STIM1: variants seen among roughly 807,000 people sequenced by gnomAD.
STIM1 encodes the protein stromal interaction molecule 1.
A neutral mutation model predicts 74.7 loss-of-function variants in STIM1; 25 were observed. The ratio of observed to expected loss-of-function variants is 0.33; its 90% confidence interval spans 0.24 to 0.47. STIM1 has a LOEUF of 0.47. Among genes scored for constraint, STIM1 ranks in the 20% least tolerant of loss-of-function variants. The pLI, the probability that STIM1 is intolerant of heterozygous loss-of-function variation, is 1.00. For missense variants in STIM1, 728 were observed against 920.8 expected, an observed-to-expected ratio of 0.79 and a Z score of 2.71; for synonymous variants, 328 against 348.8, an observed-to-expected ratio of 0.94 and a Z score of 0.66.
chr11:3,872,154 G>T (rs918056484), intron 1 of STIM1, among the ~76,000 whole-genome samples: 1 of 152,036 alleles, frequency 6.6e-6, no homozygotes, highest in Non-Finnish European at 1.5e-5. Flanking sequence ...CTGGGTTCAA[G>T]CGATTCCTGT....
chr11:4,015,400 TG>T (rs1408726619), intron 2 of STIM1, among the ~76,000 whole-genome samples: 1 of 152,088 alleles, frequency 6.6e-6, no homozygotes, highest in African/African-American at 2.4e-5. Flanking sequence ...GTAGGGTTTC[TG>T]CCAAGAGATC....
chr11:4,024,095 AAATT>A, intron 3 of STIM1, 108 bp downstream of exon 3: 1 of 822,472 alleles, frequency 1.2e-6, no homozygotes, highest in Non-Finnish European at 2.0e-6. Context: ...AGTAAAGGGC[AAATT>A]ATTGAAGTTA....
At chr11:4,001,541 G>A (rs1565143721) in intron 2 of STIM1, among the ~76,000 whole-genome samples, 1 of 152,220 alleles carries the variant, frequency 6.6e-6, no homozygotes, top group Non-Finnish European at 1.5e-5. Context: ...AATGCTGAGA[G>A]ATTTTGTCAC....
rs138592629 is a variant in STIM1, at chr11:4,055,910, C to T, written c.497+273C>T. On this transcript the variant is annotated intron_variant, in intron 4 of 12. Transcript: ENST00000526596. Reference sequence around the variant, plus strand: ...CTTAGTACATGCCAGGCATTCTACTCAACACTGTATACAGTATCTCATTTA... The same window carrying T: ...CTTAGTACATGCCAGGCATTCTACTTAACACTGTATACAGTATCTCATTTA... Among the ~76,000 whole-genome samples the T allele has an allele frequency of 8.5e-5, 13 of 152,292 alleles. No individual in the cohort carries two copies. The South Asian group carries it at 1.9e-3, about 22-fold the overall frequency.
rs544815516 is a variant in STIM1, at chr11:3,896,204, G to C, written c.139+39795G>C. Among the ~76,000 whole-genome samples, 1,171 of 129,356 alleles carry C rather than the reference G, an allele frequency of 9.1e-3. 8 individuals are homozygous for C. The highest frequency in any genetic ancestry group is 0.015 in the Non-Finnish European group (948 of 64,062). 84.9% of individuals were successfully genotyped at this position (129,356 alleles called of 152,430 possible). On this transcript the variant is annotated intron_variant, in intron 1 of 12. Transcript: ENST00000526596. ...CAGGCGTGAGCCACTGCACCTGGCC[G>C]GAATAGTGCTCTCTCTCTACCATTA... is the stretch of plus-strand genomic sequence containing the variant.
chr11:3,947,871 T>TAA (rs2093098269), intron 1 of STIM1: 2 of 152,320 alleles, frequency 1.3e-5, no homozygotes, highest in Admixed American at 1.3e-4. Flanking sequence ...TTGAGGATAA[T>TAA]AAAAGTACTG....
intron 1 of STIM1, among the ~76,000 whole-genome samples, chr11:3,956,989 G>A (rs1361082118): frequency 6.6e-6 from 1 of 152,102 alleles, no homozygotes; most frequent in Non-Finnish European, 1.5e-5. Flanking sequence ...GCAAAAAAGC[G>A]ACTGCTCTCG....
intron 1 of STIM1, among the ~76,000 whole-genome samples, chr11:3,880,151 A>G (rs2091448196): frequency 6.6e-6 from 1 of 152,238 alleles, no homozygotes; most frequent in Admixed American, 6.5e-5. Context: ...TTAGTAAATC[A>G]TTAATCTCTC....
At chr11:3,970,157 A>G (rs1054886164) in intron 2 of STIM1, among the ~76,000 whole-genome samples, 15 of 149,190 alleles carry the variant, frequency 1.0e-4, no homozygotes, top group Admixed American at 6.7e-5. Flanking sequence ...GAGGAATGTT[A>G]CCACAACAAA....
intron 4 of STIM1, among the ~76,000 whole-genome samples, chr11:4,058,517 A>G (rs767741749): frequency 6.6e-6 from 1 of 152,222 alleles, no homozygotes; most frequent in Admixed American, 6.5e-5. Flanking sequence ...TACTTGTGGG[A>G]CCTAGACCAG....
intron 1 of STIM1, chr11:3,961,146 G>A (rs1370535561): frequency 6.5e-6 from 1 of 153,856 alleles, no homozygotes; most frequent in African/African-American, 2.4e-5. Context: ...GGGACTACAG[G>A]CATGCACCAC....
chr11:3,877,688 G>A (rs780748061), intron 1 of STIM1, among the ~76,000 whole-genome samples: 2 of 152,144 alleles, frequency 1.3e-5, no homozygotes, highest in Middle Eastern at 3.2e-3. Context: ...TCATGCCTAA[G>A]TAACTCTAGC....
At chr11:3,972,885 G>A in intron 2 of STIM1, 5 of 490,932 alleles carry the variant, frequency 1.0e-5, no homozygotes, top group Admixed American at 8.4e-5. Context: ...AGAATCCAGA[G>A]CTTCTGCCTC....
chr11:3,948,468 T>G (rs1385353325), intron 1 of STIM1, among the ~76,000 whole-genome samples: 1 of 152,218 alleles, frequency 6.6e-6, no homozygotes, highest in Non-Finnish European at 1.5e-5. Context: ...GCTTGCATAA[T>G]CTTACTTATT....
chr11:4,033,940 A>T (rs1245531945), intron 3 of STIM1, among the ~76,000 whole-genome samples: 1 of 151,790 alleles, frequency 6.6e-6, no homozygotes, highest in Non-Finnish European at 1.5e-5. Context: ...ACCATAAAAT[A>T]TAATGTTGGG....
chr11:3,860,489 A>G (rs1251952004), intron 1 of STIM1, among the ~76,000 whole-genome samples: 1 of 152,210 alleles, frequency 6.6e-6, no homozygotes, highest in African/African-American at 2.4e-5. Context: ...TAAATCTGCA[A>G]TAGAGGTATT....
intron 11 of STIM1, among the ~76,000 whole-genome samples, chr11:4,085,080 T>C (rs571985490): frequency 6.6e-6 from 1 of 152,148 alleles, no homozygotes; most frequent in South Asian, 2.1e-4. Flanking sequence ...ATGACCCCTT[T>C]CTTTTCTCTT....
intron 2 of STIM1, among the ~76,000 whole-genome samples, chr11:4,016,345 A>C (rs952664148): frequency 6.6e-6 from 1 of 152,194 alleles, no homozygotes; most frequent in South Asian, 2.1e-4. Context: ...GGTCCACTCC[A>C]GACCCTGTTT....
intron 1 of STIM1, among the ~76,000 whole-genome samples, chr11:3,933,398 A>C (rs1343133329): frequency 6.6e-6 from 1 of 152,180 alleles, no homozygotes; most frequent in Non-Finnish European, 1.5e-5. Flanking sequence ...CTTTTATTCT[A>C]ATTTACAGAT....
Sources: allele counts gnomAD v4.1 joint callset (sites outside exome capture counted in the v4.1 genomes callset), GRCh38; gene constraint gnomAD v4.1.1; transcripts MANE v1.5; gene names NCBI Gene and HGNC (gene_info 2026-07-23, HGNC 2026-07-21).